The following TUBGCP4 variants were observed in gnomAD, a reference collection of about 807,000 sequenced individuals.
The protein encoded by TUBGCP4 is gamma-tubulin complex component 4.
TUBGCP4 carries 54 observed loss-of-function variants against 91.6 expected under a neutral mutation model. That is an observed-to-expected ratio of 0.59 (90% confidence interval 0.47 to 0.74). TUBGCP4 has a LOEUF of 0.74. Ranked by LOEUF, TUBGCP4 falls within the 30% of genes least tolerant of loss-of-function variation. The pLI, the probability that TUBGCP4 is intolerant of heterozygous loss-of-function variation, is 0.00. For missense variants in TUBGCP4, 593 were observed against 800.9 expected (o/e 0.74, Z 3.13); for synonymous variants, 297 against 302.8 (o/e 0.98, Z 0.20).
At chr15:43,393,805 CATG>C (rs1307184419) in intron 9 of TUBGCP4, among the ~76,000 whole-genome samples, 1 of 152,134 alleles carries the variant, frequency 6.6e-6, no homozygotes, top group Non-Finnish European at 1.5e-5. Flanking sequence ...CATAGTATTC[CATG>C]GTGTATATGT....
Position 43,398,036 on chromosome 15 carries a change from AG to A in TUBGCP4, c.1280-4del. Reference sequence around the variant, plus strand: ...TTCTTTTTTTCTTTTCTTTTATCACAGCAGATGCTACTCAGGCAAGAGAAGG... The same window carrying A: ...TTCTTTTTTTCTTTTCTTTTATCACACAGATGCTACTCAGGCAAGAGAAGG... On this transcript the variant is annotated splice_region_variant and splice_polypyrimidine_tract_variant and intron_variant, in intron 12 of 17. Coordinates refer to ENST00000564079, the MANE Select transcript of TUBGCP4 (RefSeq NM_014444.5). The A allele has an allele frequency of 6.2e-7, 1 of 1,607,476 alleles. No homozygotes were observed. Among genetic ancestry groups the A allele is most frequent in the Non-Finnish European group, 8.5e-7 (1 of 1,177,794 alleles).
At position 43,395,168 on chromosome 15, in the gene TUBGCP4, A is replaced by C; in HGVS notation, c.1065+11A>C. 6.2e-7 allele frequency: 1 copy of C among 1,613,956 alleles called. No homozygotes were observed. The highest frequency in any genetic ancestry group is 8.5e-7 in the Non-Finnish European group (1 of 1,179,848). On this transcript the variant is annotated intron_variant, in intron 10 of 17. Transcript: ENST00000564079. Reference sequence around the variant, plus strand: ...CTGGGTCAGCTGAAGGTAATGGCTTAGCTGTTGTAATTCTTACGGTGATGC... The same window carrying C: ...CTGGGTCAGCTGAAGGTAATGGCTTCGCTGTTGTAATTCTTACGGTGATGC...
chr15:43,388,615 G>A (rs1163118534), intron 9 of TUBGCP4, among the ~76,000 whole-genome samples: 1 of 152,160 alleles, frequency 6.6e-6, no homozygotes, highest in Non-Finnish European at 1.5e-5. Context: ...TCTTTGGAAA[G>A]TATAATTAAT....
At chr15:43,394,028 G>A (rs895636570) in intron 9 of TUBGCP4, 1 of 149,878 alleles carries the variant, frequency 6.7e-6, no homozygotes, top group Non-Finnish European at 1.5e-5. Context: ...AGTCCTTTAT[G>A]TATTCTGAAT....
intron 9 of TUBGCP4, among the ~76,000 whole-genome samples, chr15:43,386,936 G>A (rs2044384921): frequency 6.6e-6 from 1 of 152,096 alleles, no homozygotes; most frequent in African/African-American, 2.4e-5. Flanking sequence ...TTTTTAGTTG[G>A]TTAGTTAGTT....
At chr15:43,374,989 G>A (rs777516331) in intron 1 of TUBGCP4, among the ~76,000 whole-genome samples, 14 of 152,184 alleles carry the variant, frequency 9.2e-5, no homozygotes, top group African/African-American at 2.9e-4. Flanking sequence ...TGCAACCGCC[G>A]CCTCCCGGGT....
intron 12 of TUBGCP4, among the ~76,000 whole-genome samples, chr15:43,397,666 C>T (rs191235666): frequency 1.3e-3 from 200 of 152,224 alleles, no homozygotes; most frequent in Non-Finnish European, 2.0e-3. Context: ...TTGCCCCCTT[C>T]TTAGTGTCCC....
intron 15 of TUBGCP4, chr15:43,402,423 G>A (rs1333366254): frequency 6.6e-6 from 1 of 152,264 alleles, no homozygotes; most frequent in African/African-American, 2.4e-5. Flanking sequence ...AAACCCTCAG[G>A]AGTTAAAGAA....
At chr15:43,387,402 G>T (rs1430276612) in intron 9 of TUBGCP4, among the ~76,000 whole-genome samples, 1 of 152,220 alleles carries the variant, frequency 6.6e-6, no homozygotes, top group East Asian at 1.9e-4. Context: ...CAGCTGTGTT[G>T]TTAACTATAT....
chr15:43,394,969 ATTGTT>A (rs1292242994), intron 9 of TUBGCP4, 133 bp from the exon 10 acceptor site: 2 of 845,330 alleles, frequency 2.4e-6, no homozygotes, highest in East Asian at 2.4e-5. Flanking sequence ...TAATACATTG[ATTGTT>A]TTGAGTAAAT....
At position 43,393,901 on chromosome 15, in the gene TUBGCP4, T is replaced by TC. The variant is rs553694980; in HGVS notation, c.1015-1202dup. ...CCTTGGCCTCCCAAAATGCTGGGAT[T>TC]CCCCACTGTCTTTTTCATTTGCATG... On this transcript the variant is annotated intron_variant, in intron 9 of 17. Coordinates refer to ENST00000564079, the MANE Select transcript of TUBGCP4 (RefSeq NM_014444.5). 3.6e-3 allele frequency among the ~76,000 whole-genome samples: 554 copies of TC among 152,292 alleles called. 3 individuals are homozygous for TC. Among genetic ancestry groups the TC allele is most frequent in the African/African-American group, 0.013 (523 of 41,566 alleles).
At chr15:43,391,539 A>G (rs2044467823) in intron 9 of TUBGCP4, 2 of 152,152 alleles carry the variant, frequency 1.3e-5, no homozygotes, top group Admixed American at 6.6e-5. Context: ...ACCTGGGCCA[A>G]TTCACCCATT....
chr15:43,383,373 G>C lies in TUBGCP4; in HGVS notation c.592G>C (p.Asp198His), dbSNP rs754577366. 4 of 1,614,144 alleles carry C rather than the reference G, an allele frequency of 2.5e-6. No homozygotes were observed. The highest frequency in any genetic ancestry group is 2.5e-6 in the Non-Finnish European group (3 of 1,180,028). Reference sequence around the variant, plus strand: ...CTGGATGCTCCATGGACTCCTCTTGGACCAGCATGAAGAATTCTTTATCAA... The same window carrying C: ...CTGGATGCTCCATGGACTCCTCTTGCACCAGCATGAAGAATTCTTTATCAA... ...SAWMLHGLLL[D>H]QHEEFFIKQG... Residue 198 changes from aspartate (D) to histidine (H), a missense_variant, in exon 7 of 18, where the codon GAC (aspartate) becomes CAC (histidine). Transcript: ENST00000564079.
Position 43,385,881 on chromosome 15 carries a change from G to A in TUBGCP4, c.814G>A (p.Val272Ile), listed in dbSNP as rs551147821. 1 of 1,614,048 alleles carries A rather than the reference G, an allele frequency of 6.2e-7. No individual in the cohort carries two copies. Among genetic ancestry groups the A allele is most frequent in the Admixed American group, 1.7e-5 (1 of 60,018 alleles). ...TTTGCCATCCTACATTCCAGTGAGG[G>A]TTGCTGAAAAAATCCTATTTGTTGG... Reference protein sequence around the residue: ...EILPSYIPVRVAEKILFVGES... With the variant: ...EILPSYIPVRIAEKILFVGES... Residue 272 changes from valine to isoleucine, a missense_variant, in exon 8 of 18, where the codon GTT (valine) becomes ATT (isoleucine). Transcript: ENST00000564079.
At chr15:43,398,245 A>G in intron 13 of TUBGCP4, 66 bp downstream of exon 13, 1 of 1,562,428 alleles carries the variant, frequency 6.4e-7, no homozygotes, top group Non-Finnish European at 8.7e-7. Context: ...AGAAACTAGC[A>G]GGAACAGAAT....
chr15:43,376,381 A>G (rs2044205139), intron 2 of TUBGCP4, 122 bp from the exon 3 acceptor site: 1 of 1,601,214 alleles, frequency 6.2e-7, no homozygotes, highest in Non-Finnish European at 8.5e-7. Context: ...GAAATATTCA[A>G]GTGAAGGCAA....
Position 43,371,147 on chromosome 15 carries a change from C to T in TUBGCP4, c.-208C>T. On this transcript the variant is annotated 5_prime_UTR_variant, in exon 1 of 18. Coordinates refer to ENST00000564079, the MANE Select transcript of TUBGCP4 (RefSeq NM_014444.5). ...GGAGTAGCTGGTGGACCCCGTTGAG[C>T]TGCCGAACTTCCGGGACTCCCCCGC... 11 of 613,690 alleles carry T rather than the reference C, an allele frequency of 1.8e-5. No homozygotes were observed. Among genetic ancestry groups the T allele is most frequent in the South Asian group, 1.6e-4 (9 of 55,998 alleles). 38.0% of individuals were successfully genotyped at this position (613,690 alleles called of 1,614,324 possible). A position where few individuals can be genotyped will look rare whatever the true frequency, so the allele number is the denominator to read the frequency against.
chr15:43,409,688 C>T lies in TUBGCP4; in HGVS notation c.*4474C>T. On this transcript the variant is annotated 3_prime_UTR_variant, in exon 18 of 18. Transcript: ENST00000564079. Reference sequence around the variant, plus strand: ...TCTTCAAGGATATAGCCAGCTCCTGCTCGAAGCTGGGATTCTGTATACTGC... The same window carrying T: ...TCTTCAAGGATATAGCCAGCTCCTGTTCGAAGCTGGGATTCTGTATACTGC... The T allele has an allele frequency of 1.9e-6, 3 of 1,577,234 alleles. No individual in the cohort carries two copies. The highest frequency in any genetic ancestry group is 2.6e-6 in the Non-Finnish European group (3 of 1,164,270).
At chr15:43,375,389 C>T (rs1486585419) in intron 1 of TUBGCP4, among the ~76,000 whole-genome samples, 1 of 152,184 alleles carries the variant, frequency 6.6e-6, no homozygotes, top group Non-Finnish European at 1.5e-5. Context: ...CTTAAAATAG[C>T]TAAAATGGTA....
Sources: gnomAD v4.1 joint callset for allele counts (sites outside exome capture counted in the v4.1 genomes callset) on GRCh38, gnomAD v4.1.1 for gene constraint, MANE v1.5 for transcripts, NCBI Gene and HGNC (gene_info 2026-07-23, HGNC 2026-07-21) for gene names.